Variants in ACSM2B observed in about 807,000 individuals in gnomAD.
ACSM2B encodes the protein acyl-CoA synthetase medium chain family member 2B, also known as acyl-coenzyme A synthetase ACSM2B, mitochondrial.
ACSM2B carries 58 observed loss-of-function variants against 78.6 expected under a neutral mutation model. That is an observed-to-expected ratio of 0.74 (90% confidence interval 0.60 to 0.92). The LOEUF (loss-of-function observed/expected upper bound fraction) is 0.92, where lower values mean the gene tolerates loss of function less well. Among genes scored for constraint, ACSM2B ranks in the 40% least tolerant of loss-of-function variants. The probability of loss-of-function intolerance (pLI) is 0.00; values close to 1 mark genes in which losing one functional copy is unlikely to be tolerated. For missense variants in ACSM2B, 688 were observed against 711.2 expected, an observed-to-expected ratio of 0.97 and a Z score of 0.37; for synonymous variants, 257 against 256.8, an observed-to-expected ratio of 1.00 and a Z score of -0.01.
intron 6 of ACSM2B, among the ~76,000 whole-genome samples, chr16:20,549,286 T>C (rs1596712782): frequency 1.3e-5 from 2 of 152,268 alleles, no homozygotes; most frequent in East Asian, 3.9e-4. Context: ...CAGAGTAATT[T>C]ATGAAGAAAA....
intron 6 of ACSM2B, among the ~76,000 whole-genome samples, chr16:20,549,277 A>T (rs1489586772): frequency 3.9e-5 from 6 of 152,180 alleles, no homozygotes; most frequent in African/African-American, 1.4e-4. Context: ...TACCCGAGAC[A>T]GAGTAATTTA....
chr16:20,550,211 G>A (rs1478086765), intron 6 of ACSM2B, among the ~76,000 whole-genome samples: 2 of 152,004 alleles, frequency 1.3e-5, no homozygotes, highest in African/African-American at 4.8e-5. Flanking sequence ...ATGAGTTTTG[G>A]GGGGCACAAA....
At chr16:20,562,632 T>C (rs1160193913) in intron 2 of ACSM2B, among the ~76,000 whole-genome samples, 1 of 152,174 alleles carries the variant, frequency 6.6e-6, no homozygotes, top group African/African-American at 2.4e-5. Flanking sequence ...CTAAACCCTT[T>C]TGTGAAATTA....
chr16:20,536,306 A>G lies in ACSM2B; in HGVS notation c.*952T>C, dbSNP rs1202041825. 2 of 152,182 alleles carry G rather than the reference A, an allele frequency of 1.3e-5. No individual in the cohort carries two copies. Among genetic ancestry groups the G allele is most frequent in the African/African-American group, 4.8e-5 (2 of 41,456 alleles). The allele number at this position is 152,182 out of a possible 1,614,324, so 9.4% of individuals were successfully genotyped here. On this transcript the variant is annotated 3_prime_UTR_variant, in exon 14 of 14. Coordinates refer to ENST00000329697, the MANE Select transcript of ACSM2B (RefSeq NM_001105069.2). ...ATATTTGATTCTAGGAAGAGTAGAT[A>G]ACACCAAAAACATGAGGTATGGGTA...
chr16:20,544,147 T>C (rs1205970044), intron 10 of ACSM2B, among the ~76,000 whole-genome samples: 1 of 152,174 alleles, frequency 6.6e-6, no homozygotes, highest in African/African-American at 2.4e-5. Context: ...CATTTGAGAA[T>C]ATAGTGGGAC....
At chr16:20,549,570 C>T (rs1225544026) in intron 6 of ACSM2B, 2 of 249,274 alleles carry the variant, frequency 8.0e-6, no homozygotes, top group South Asian at 3.9e-5. Context: ...TACTGTTACA[C>T]TGGGGATTGA....
At position 20,559,722 on chromosome 16, in the gene ACSM2B, T is replaced by G; in HGVS notation, c.178-275A>C. Among the ~76,000 whole-genome samples the G allele has an allele frequency of 1.8e-5, 2 of 111,524 alleles. 1 individual carries two copies. Among genetic ancestry groups the G allele is most frequent in the African/African-American group, 1.8e-4 (2 of 11,136 alleles). 73.2% of individuals were successfully genotyped at this position (111,524 alleles called of 152,430 possible). On this transcript the variant is annotated intron_variant, in intron 2 of 13. Transcript: ENST00000329697. ...ACCCATTATATATTAGCATGCATAA[T>G]TTTTTTATAATGATAAAGTGTACTT...
intron 8 of ACSM2B, chr16:20,547,325 C>T: frequency 2.0e-6 from 2 of 985,398 alleles, no homozygotes; most frequent in Non-Finnish European, 2.4e-6. Flanking sequence ...ATTTGCAGAG[C>T]TCTTCCTGGC....
At position 20,564,704 on chromosome 16, in the gene ACSM2B, T is replaced by C. The variant is rs1339866130; in HGVS notation, c.142A>G (p.Ser48Gly). The change falls in exon 2 of 14, where the codon AGT (serine) becomes GGT (glycine). Residue 48 changes from serine (S) to glycine (G), a missense_variant. Transcript: ENST00000329697. The stretch of plus-strand genomic sequence containing the variant: ...TCAGCCCAGTGATCCAACACATCAC[T>C]AGCAAAGTTAAACTTGGCCGGCACT... ...QEVPAKFNFA[S>G]DVLDHWADME... 1.2e-6 allele frequency: 2 copies of C among 1,613,688 alleles called. No homozygotes were observed. Among genetic ancestry groups the C allele is most frequent in the South Asian group, 1.1e-5 (1 of 91,058 alleles).
intron 1 of ACSM2B, among the ~76,000 whole-genome samples, chr16:20,568,451 A>T (rs184272811): frequency 1.5e-4 from 22 of 148,916 alleles, no homozygotes; most frequent in Admixed American, 8.8e-4. Flanking sequence ...AAATGAATAC[A>T]AGTTTCTTTA....
At chr16:20,569,888 C>A (rs919025399) in intron 1 of ACSM2B, among the ~76,000 whole-genome samples, 1 of 151,826 alleles carries the variant, frequency 6.6e-6, no homozygotes, top group Non-Finnish European at 1.5e-5. Flanking sequence ...AGCAGAGCTA[C>A]TGGTTTTTGT....
intron 3 of ACSM2B, 23 bp downstream of exon 3, chr16:20,559,214 T>C: frequency 2.6e-6 from 4 of 1,546,054 alleles, no homozygotes; most frequent in Non-Finnish European, 3.5e-6. Context: ...GACAGTTCTC[T>C]GTCCAGGTAG....
chr16:20,574,977 T>A (rs1459615248), intron 1 of ACSM2B, among the ~76,000 whole-genome samples: 1 of 147,672 alleles, frequency 6.8e-6, no homozygotes, highest in Non-Finnish European at 1.5e-5. Flanking sequence ...AAAGGTATGA[T>A]GTATAGGGTC....
At chr16:20,551,415 T>C (rs5012618) in intron 6 of ACSM2B, among the ~76,000 whole-genome samples, 85,554 of 151,218 alleles carry the variant, frequency 0.57, 27,916 homozygotes, top group Non-Finnish European at 0.74. Flanking sequence ...AGCATGAGTG[T>C]CTTTATTTTT....
rs753174483 is a variant in ACSM2B at position 20,543,162 on chromosome 16, C to T, written c.1382G>A (p.Arg461Gln). The T allele has an allele frequency of 5.0e-5, 80 of 1,613,680 alleles. No individual in the cohort carries two copies. Among genetic ancestry groups the T allele is most frequent in the South Asian group, 1.8e-4 (16 of 91,076 alleles). The stretch of plus-strand genomic sequence containing the variant: ...GCTGGAGTTAATGATATCATCTGCC[C>T]GTCCCATAAACTGGAAATACCCATC... ...DEDGYFQFMG[R>Q]ADDIINSSGY... Residue 461 changes from arginine to glutamine, a missense_variant, in exon 11 of 14, where the codon CGG becomes CAG. Coordinates refer to ENST00000329697, the MANE Select transcript of ACSM2B (RefSeq NM_001105069.2).
intron 3 of ACSM2B, among the ~76,000 whole-genome samples, chr16:20,556,364 G>A (rs1001132999): frequency 6.6e-6 from 1 of 152,184 alleles, no homozygotes; most frequent in African/African-American, 2.4e-5. Flanking sequence ...CACTTTTGGA[G>A]GCCAAGGAGG....
At chr16:20,567,667 T>A (rs1193496355) in intron 1 of ACSM2B, among the ~76,000 whole-genome samples, 6 of 137,926 alleles carry the variant, frequency 4.4e-5, no homozygotes. Flanking sequence ...ATATATACTA[T>A]ACTATTATAT....
At chr16:20,552,010 G>A (rs12600244) in intron 6 of ACSM2B, 134 bp downstream of exon 6, 26 of 1,434,308 alleles carry the variant, frequency 1.8e-5, no homozygotes, top group Middle Eastern at 4.4e-4. Context: ...TTTCCATCTC[G>A]TTTACTGAAC....
intron 3 of ACSM2B, among the ~76,000 whole-genome samples, chr16:20,558,244 C>T (rs940335677): frequency 8.6e-5 from 13 of 151,938 alleles, no homozygotes; most frequent in African/African-American, 2.7e-4. Flanking sequence ...GAAACTAACT[C>T]AACCAGTTCT....
Sources: allele counts gnomAD v4.1 joint callset (sites outside exome capture counted in the v4.1 genomes callset), GRCh38; gene constraint gnomAD v4.1.1; transcripts MANE v1.5; gene names NCBI Gene and HGNC (gene_info 2026-07-23, HGNC 2026-07-21).